Variants in GLIS3 observed in about 807,000 individuals in gnomAD.
GLIS3 encodes GLIS family zinc finger 3.
A neutral mutation model predicts 78.6 loss-of-function variants in GLIS3; 53 were observed. That is an observed-to-expected ratio of 0.67 (90% confidence interval 0.54 to 0.85). The LOEUF (loss-of-function observed/expected upper bound fraction) is 0.85. Ranked by LOEUF, GLIS3 falls within the 40% of genes least tolerant of loss-of-function variation. The pLI, the probability that GLIS3 is intolerant of heterozygous loss-of-function variation, is 0.00. For synonymous variants in GLIS3, 684 were observed against 509.9 expected (o/e 1.34, Z -4.60); for missense variants, 1,703 against 1,231.1 (o/e 1.38, Z -5.74).
chr9:4,192,912 A>G (rs1818461445), intron 2 of GLIS3, among the ~76,000 whole-genome samples: 1 of 152,248 alleles, frequency 6.6e-6, no homozygotes, highest in Non-Finnish European at 1.5e-5. Flanking sequence ...CTCAAAAAGA[A>G]GTATCTCAGT....
chr9:4,393,993 G>C, the GLIS3 span, among the ~76,000 whole-genome samples: 1 of 151,802 alleles, frequency 6.6e-6, no homozygotes, highest in African/African-American at 2.4e-5. Flanking sequence ...ACAGAAAATG[G>C]TTTTTCTGAA....
chr9:4,161,929 A>C (rs1586844954), intron 2 of GLIS3, among the ~76,000 whole-genome samples: 1 of 151,182 alleles, frequency 6.6e-6, no homozygotes, highest in Admixed American at 6.6e-5. Flanking sequence ...CAAGTGATCC[A>C]CCTGCCTCGG....
In GLIS3 at chr9:4,092,271, C is replaced by T. The variant is rs190932833; in HGVS notation, c.1710+25497G>A. 3.2e-3 allele frequency among the ~76,000 whole-genome samples: 480 copies of T among 151,876 alleles called. 4 individuals are homozygous for T. Among genetic ancestry groups the T allele is most frequent in the African/African-American group, 0.011 (463 of 41,432 alleles). ...GGTTCACACCATTCTCCTGTCTCAGCCTCCCGAGTAGCTGGGACTACAGGC... is the reference window on the plus strand; with the variant it reads ...GGTTCACACCATTCTCCTGTCTCAGTCTCCCGAGTAGCTGGGACTACAGGC... On this transcript the variant is annotated intron_variant, in intron 4 of 10. Coordinates refer to ENST00000381971, the MANE Select transcript of GLIS3 (RefSeq NM_001042413.2).
At chr9:4,158,538 T>C (rs1409355935) in intron 2 of GLIS3, among the ~76,000 whole-genome samples, 1 of 152,240 alleles carries the variant, frequency 6.6e-6, no homozygotes, top group Non-Finnish European at 1.5e-5. Context: ...TCTTTTAAGA[T>C]GTCCCCGATA....
intron 4 of GLIS3, among the ~76,000 whole-genome samples, chr9:4,080,218 C>T (rs1451925842): frequency 2.6e-5 from 4 of 152,136 alleles, no homozygotes; most frequent in South Asian, 4.1e-4. Context: ...ATTTATTTTT[C>T]CAGCATTCTT....
chr9:4,092,620 A>G (rs373752465), intron 4 of GLIS3, among the ~76,000 whole-genome samples: 4 of 152,162 alleles, frequency 2.6e-5, no homozygotes, highest in East Asian at 3.8e-4. Flanking sequence ...ATGATCATCA[A>G]TATCACTGTC....
intron 2 of GLIS3, among the ~76,000 whole-genome samples, chr9:4,274,928 A>G (rs1201592601): frequency 2.6e-5 from 4 of 152,342 alleles, no homozygotes; most frequent in Admixed American, 6.5e-5. Flanking sequence ...CACAAGTTGC[A>G]TTTTGTAATG....
the GLIS3 span, among the ~76,000 whole-genome samples, chr9:4,363,636 G>A: frequency 9.2e-5 from 14 of 152,308 alleles, no homozygotes; most frequent in Non-Finnish European, 1.9e-4. Context: ...CATCTGTGTA[G>A]CTGGCATCCA....
At chr9:4,113,280 G>GA (rs1326708148) in intron 4 of GLIS3, among the ~76,000 whole-genome samples, 2 of 151,628 alleles carry the variant, frequency 1.3e-5, no homozygotes, top group Non-Finnish European at 2.9e-5. Flanking sequence ...ATACTTTTTT[G>GA]AAAAACAAAA....
the GLIS3 span, among the ~76,000 whole-genome samples, chr9:4,399,867 A>G: frequency 2.0e-5 from 3 of 152,212 alleles, no homozygotes; most frequent in African/African-American, 7.2e-5. Context: ...CTGAAGGAAA[A>G]GATGGAGGGA....
chr9:4,330,827 T>C (rs1176186378), intron 2 of GLIS3, among the ~76,000 whole-genome samples: 1 of 152,108 alleles, frequency 6.6e-6, no homozygotes, highest in Non-Finnish European at 1.5e-5. Context: ...CTTTTCAGAA[T>C]CATCCACCAC....
intron 2 of GLIS3, among the ~76,000 whole-genome samples, chr9:4,239,659 G>T (rs1823108852): frequency 6.6e-6 from 1 of 152,208 alleles, no homozygotes; most frequent in African/African-American, 2.4e-5. Flanking sequence ...CTGAATAAGT[G>T]ATCTAAAGAT....
At chr9:4,159,815 A>G (rs1835341746) in intron 2 of GLIS3, among the ~76,000 whole-genome samples, 1 of 152,210 alleles carries the variant, frequency 6.6e-6, no homozygotes, top group Non-Finnish European at 1.5e-5. Flanking sequence ...CTTGTGACCA[A>G]CAATGAAATA....
the GLIS3 span, among the ~76,000 whole-genome samples, chr9:4,413,723 A>T: frequency 6.6e-6 from 1 of 151,926 alleles, no homozygotes; most frequent in Non-Finnish European, 1.5e-5. Flanking sequence ...CTCATTTGAG[A>T]CCCATGTTCC....
intron 4 of GLIS3, among the ~76,000 whole-genome samples, chr9:3,949,894 T>C (rs1335767935): frequency 6.6e-6 from 1 of 152,246 alleles, no homozygotes; most frequent in Non-Finnish European, 1.5e-5. Flanking sequence ...CACATGGCTA[T>C]GGATTGTTCC....
At chr9:3,906,413 C>T (rs1040938358) in intron 6 of GLIS3, among the ~76,000 whole-genome samples, 2 of 152,134 alleles carry the variant, frequency 1.3e-5, no homozygotes, top group African/African-American at 4.8e-5. Context: ...TTTCGAAGGT[C>T]GAGCTGAATT....
At chr9:4,367,789 A>T in the GLIS3 span, among the ~76,000 whole-genome samples, 1,951 of 152,294 alleles carry the variant, frequency 0.013, 16 homozygotes, top group Non-Finnish European at 0.021. Context: ...GAAAAAAAAG[A>T]AGAGACATTT....
intron 4 of GLIS3, among the ~76,000 whole-genome samples, chr9:4,114,593 C>G (rs556519801): frequency 2.6e-5 from 4 of 152,288 alleles, no homozygotes; most frequent in Non-Finnish European, 5.9e-5. Flanking sequence ...AGAGATTCAG[C>G]ACCTAGAAAG....
chr9:3,947,605 A>G (rs1816388851), intron 4 of GLIS3, among the ~76,000 whole-genome samples: 1 of 152,234 alleles, frequency 6.6e-6, no homozygotes, highest in South Asian at 2.1e-4. Context: ...GCCAAGAGAG[A>G]AAAGGAAATT....
Sources: gnomAD v4.1 joint callset for allele counts (sites outside exome capture counted in the v4.1 genomes callset) on GRCh38, gnomAD v4.1.1 for gene constraint, MANE v1.5 for transcripts, NCBI Gene and HGNC (gene_info 2026-07-23, HGNC 2026-07-21) for gene names.